The following GNG4 variants were observed in gnomAD, a reference collection of about 807,000 sequenced individuals.
GNG4 encodes G protein subunit gamma 4.
GNG4 carries 4 observed loss-of-function variants against 5.8 expected under a neutral mutation model. That is an observed-to-expected ratio of 0.69 (90% confidence interval 0.34 to 1.57). The LOEUF is 1.57. Ranked by LOEUF, GNG4 falls within the 40% of genes most tolerant of loss-of-function variation. The pLI, the probability that GNG4 is intolerant of heterozygous loss-of-function variation, is 0.06. For missense variants in GNG4, 96 were observed against 95.1 expected, an observed-to-expected ratio of 1.01 and a Z score of -0.04; for synonymous variants, 29 against 32.9, an observed-to-expected ratio of 0.88 and a Z score of 0.41.
chr1:235,548,579 C>G lies in GNG4; in HGVS notation c.*3530G>C, dbSNP rs966349377. ...AAGCAAGGGTCCAGGTAGTCCACCC[C>G]AGGTCAATGACCACTTCCCGACTGG... On this transcript the variant is annotated 3_prime_UTR_variant, in exon 4 of 4. Coordinates refer to ENST00000391854, the MANE Select transcript of GNG4 (RefSeq NM_001098722.2). 1 of 152,302 alleles carries G rather than the reference C, an allele frequency of 6.6e-6. No individual in the cohort carries two copies. The highest frequency in any genetic ancestry group is 2.4e-5 in the African/African-American group (1 of 41,428). 9.4% of individuals were successfully genotyped at this position (152,302 alleles called of 1,614,324 possible). A position where few individuals can be genotyped will look rare whatever the true frequency, so the allele number is the denominator to read the frequency against.
chr1:235,561,395 G>A (rs921895751), intron 3 of GNG4, among the ~76,000 whole-genome samples: 22 of 151,562 alleles, frequency 1.5e-4, no homozygotes, highest in South Asian at 1.2e-3. Context: ...GCACGCGCTC[G>A]CGCTCTCTCT....
At chr1:235,594,888 G>C (rs1274223686) in intron 2 of GNG4, among the ~76,000 whole-genome samples, 2 of 152,244 alleles carry the variant, frequency 1.3e-5, no homozygotes, top group Non-Finnish European at 2.9e-5. Flanking sequence ...AGCCCAGGCA[G>C]AGGAGGCGCC....
intron 3 of GNG4, among the ~76,000 whole-genome samples, chr1:235,580,746 GTTTTTTT>G (rs56370700): frequency 8.0e-6 from 1 of 125,756 alleles, no homozygotes; most frequent in South Asian, 2.4e-4. Context: ...CCCGTTTTTT[GTTTTTTT>G]TTTTTTTTTT....
chr1:235,581,849 C>A (rs902514291), intron 3 of GNG4, among the ~76,000 whole-genome samples: 2 of 152,202 alleles, frequency 1.3e-5, no homozygotes, highest in African/African-American at 2.4e-5. Flanking sequence ...CTTGAAGAAG[C>A]CTTCATTCTT....
chr1:235,622,840 A>C (rs1688738394), intron 1 of GNG4, among the ~76,000 whole-genome samples: 1 of 130,482 alleles, frequency 7.7e-6, no homozygotes, highest in African/African-American at 3.1e-5. Context: ...GCACCATTGC[A>C]CTCTAGCCTG....
chr1:235,624,046 C>T (rs376182716), intron 1 of GNG4, among the ~76,000 whole-genome samples: 37 of 151,854 alleles, frequency 2.4e-4, no homozygotes, highest in Admixed American at 5.9e-4. Flanking sequence ...GCCTGAAGAG[C>T]GTGGCTCTAG....
In GNG4 at chr1:235,648,067, C is replaced by T. The variant is rs73124527; in HGVS notation, c.-123+1595G>A. 0.041 allele frequency among the ~76,000 whole-genome samples: 6,167 copies of T among 151,554 alleles called. 435 individuals carry two copies. The highest frequency in any genetic ancestry group is 0.14 in the African/African-American group (5,869 of 41,184). ...CTCCACCATCAGTTTGCATGAGAAACGCCAATCATAGGACTGCTGGGAATG... is the reference window on the plus strand; with the variant it reads ...CTCCACCATCAGTTTGCATGAGAAATGCCAATCATAGGACTGCTGGGAATG... On this transcript the variant is annotated intron_variant, in intron 1 of 3. Transcript: ENST00000391854. This position sits in a 1 kb window ranked among gnomAD's most constrained non-coding sequence, Gnocchi z 5.0.
rs963212547 is a variant in GNG4, at chr1:235,565,609, T to C, written c.100-13372A>G. Among the ~76,000 whole-genome samples the C allele has an allele frequency of 3.5e-4, 53 of 152,188 alleles. 1 individual carries two copies. Among genetic ancestry groups the C allele is most frequent in the Non-Finnish European group, 1.2e-4 (8 of 68,030 alleles). Reference sequence around the variant, plus strand: ...ATAAAGAACAACCACAATGGGCTGGTGCAAGCTCTTCGTCAGGCTCCCAAG... The same window carrying C: ...ATAAAGAACAACCACAATGGGCTGGCGCAAGCTCTTCGTCAGGCTCCCAAG... On this transcript the variant is annotated intron_variant, in intron 3 of 3. Coordinates refer to ENST00000391854, the MANE Select transcript of GNG4 (RefSeq NM_001098722.2).
rs115689103 is a variant in GNG4 at position 235,556,629 on chromosome 1, A to G, written c.100-4392T>C. On this transcript the variant is annotated intron_variant, in intron 3 of 3. Transcript: ENST00000391854. ...CTGTACTGTACTACAGCCGTCCCCA[A>G]CGTTTTCGGCACGAGGGAGTGGTTT... Among the ~76,000 whole-genome samples, 417 of 150,864 alleles carry G rather than the reference A, an allele frequency of 2.8e-3. 1 individual carries two copies. The highest frequency in any genetic ancestry group is 9.7e-3 in the African/African-American group (398 of 41,050).
intron 1 of GNG4, among the ~76,000 whole-genome samples, chr1:235,638,294 T>C (rs1657190891): frequency 6.6e-6 from 1 of 152,158 alleles, no homozygotes; most frequent in Admixed American, 6.6e-5. Context: ...TTACCATATA[T>C]TTATGGCTTA....
intron 1 of GNG4, among the ~76,000 whole-genome samples, chr1:235,636,708 G>A (rs992208340): frequency 4.6e-5 from 7 of 152,184 alleles, no homozygotes; most frequent in African/African-American, 1.7e-4. Flanking sequence ...CCAAAGCAGG[G>A]TGGGATCCCC....
chr1:235,556,870 T>G (rs1416592240), intron 3 of GNG4, among the ~76,000 whole-genome samples: 1 of 151,864 alleles, frequency 6.6e-6, no homozygotes, highest in Non-Finnish European at 1.5e-5. Context: ...TGGGAGACAG[T>G]GACAGATAAT....
intron 1 of GNG4, among the ~76,000 whole-genome samples, chr1:235,614,452 C>T (rs1265943020): frequency 1.3e-5 from 2 of 152,148 alleles, no homozygotes; most frequent in Admixed American, 6.5e-5. Context: ...CTCTCTCTCT[C>T]TCTTTAGTTT....
At chr1:235,633,105 T>C (rs1324375490) in intron 1 of GNG4, among the ~76,000 whole-genome samples, 2 of 152,114 alleles carry the variant, frequency 1.3e-5, no homozygotes, top group African/African-American at 4.8e-5. Flanking sequence ...ATAGGACTCA[T>C]TTAAAAAGCC....
chr1:235,573,500 C>T (rs994245425), intron 3 of GNG4, among the ~76,000 whole-genome samples: 4 of 152,018 alleles, frequency 2.6e-5, no homozygotes, highest in African/African-American at 9.6e-5. Flanking sequence ...ACTCACGGCC[C>T]GGTGCGGTAG....
intron 2 of GNG4, among the ~76,000 whole-genome samples, chr1:235,584,940 T>G (rs1001815686): frequency 6.6e-6 from 1 of 152,228 alleles, no homozygotes; most frequent in Non-Finnish European, 1.5e-5. Context: ...ATTGAGTATG[T>G]AAAGCAGCAA....
chr1:235,591,510 C>G (rs1309985018), intron 2 of GNG4, among the ~76,000 whole-genome samples: 1 of 152,172 alleles, frequency 6.6e-6, no homozygotes, highest in Non-Finnish European at 1.5e-5. Context: ...GGCCAGGTAC[C>G]CTTTAGGCTC....
At chr1:235,639,443 T>C (rs974847530) in intron 1 of GNG4, among the ~76,000 whole-genome samples, 2 of 152,256 alleles carry the variant, frequency 1.3e-5, no homozygotes, top group African/African-American at 2.4e-5. Flanking sequence ...TAGTTCCATC[T>C]GGCCAAATCA....
intron 3 of GNG4, among the ~76,000 whole-genome samples, chr1:235,570,432 C>T (rs577261962): frequency 5.4e-5 from 8 of 146,816 alleles, no homozygotes; most frequent in East Asian, 2.0e-4. Context: ...AGTTTCACTC[C>T]GTCACTCAGG....
Sources: allele counts gnomAD v4.1 joint callset (sites outside exome capture counted in the v4.1 genomes callset), GRCh38; gene constraint gnomAD v4.1.1; non-coding constraint Gnocchi (gnomAD v3.1); transcripts MANE v1.5; gene names NCBI Gene and HGNC (gene_info 2026-07-23, HGNC 2026-07-21).